Variants in HYDIN observed in about 807,000 individuals in gnomAD.
The protein encoded by HYDIN is axonemal central pair apparatus protein HYDIN.
A neutral mutation model predicts 403.9 loss-of-function variants in HYDIN; 132 were observed. The ratio of observed to expected loss-of-function variants is 0.33; its 90% CI spans 0.28 to 0.38. HYDIN has a LOEUF of 0.38. Ranked by LOEUF, HYDIN falls within the 10% of genes least tolerant of loss-of-function variation. The pLI is 1.00. For synonymous variants in HYDIN, 1,202 were observed against 1,891.7 expected, an observed-to-expected ratio of 0.64 and a Z score of 9.46; for missense variants, 2,827 against 5,009.5, an observed-to-expected ratio of 0.56 and a Z score of 13.15.
At chr16:70,816,252 A>G (rs1437864263) in intron 84 of HYDIN, among the ~76,000 whole-genome samples, 1 of 152,340 alleles carries the variant, frequency 6.6e-6, no homozygotes, top group East Asian at 1.9e-4. Flanking sequence ...GAAATAATAT[A>G]GAATATGTTC....
intron 1 of HYDIN, among the ~76,000 whole-genome samples, chr16:71,205,621 C>T (rs1422966551): frequency 6.6e-6 from 1 of 152,250 alleles, no homozygotes; most frequent in African/African-American, 2.4e-5. Flanking sequence ...TCTGCCACTG[C>T]TTGCCAGCCA....
chr16:71,035,526 T>A (rs2081056339), intron 18 of HYDIN, among the ~76,000 whole-genome samples: 1 of 137,068 alleles, frequency 7.3e-6, no homozygotes, highest in Admixed American at 7.3e-5. Context: ...TCAGTTGGCA[T>A]ACACAATCAA....
chr16:71,066,952 A>G, intron 15 of HYDIN: 1 of 671,082 alleles, frequency 1.5e-6, no homozygotes, highest in Non-Finnish European at 2.7e-6. Flanking sequence ...AAAGATGAAA[A>G]TAAAAATGAG....
chr16:70,943,019 G>A (rs1205613098), intron 42 of HYDIN, among the ~76,000 whole-genome samples: 2 of 152,052 alleles, frequency 1.3e-5, no homozygotes, highest in East Asian at 3.8e-4. Context: ...CTCCTCTTCT[G>A]GGAACGTCAA....
chr16:70,859,276 G>A (rs1173251910), intron 71 of HYDIN, among the ~76,000 whole-genome samples: 12 of 151,936 alleles, frequency 7.9e-5, no homozygotes, highest in Admixed American at 7.9e-4. Context: ...ACTCCAGCCT[G>A]GGGGACAGAG....
intron 43 of HYDIN, 120 bp from the exon 44 acceptor site, chr16:70,938,875 T>A: frequency 1.3e-6 from 1 of 763,946 alleles, no homozygotes; most frequent in Non-Finnish European, 2.1e-6. Flanking sequence ...GTCTGCCTCA[T>A]CCCTGATTGC....
intron 52 of HYDIN, among the ~76,000 whole-genome samples, chr16:70,902,863 TG>T (rs1276788056): frequency 7.0e-6 from 1 of 141,900 alleles, no homozygotes; most frequent in Non-Finnish European, 1.5e-5. Context: ...CTTTTCCTTC[TG>T]GGATTCCAAT....
intron 47 of HYDIN, among the ~76,000 whole-genome samples, chr16:70,911,902 A>T (rs1455962713): frequency 6.7e-6 from 1 of 149,096 alleles, no homozygotes; most frequent in Admixed American, 6.6e-5. Flanking sequence ...TATTGATTTG[A>T]TTCTCTGCTT....
chr16:70,945,844 G>A lies in HYDIN; in HGVS notation c.6532-1895C>T, dbSNP rs550794420. On this transcript the variant is annotated intron_variant, in intron 41 of 85. Coordinates refer to ENST00000393567, the MANE Select transcript of HYDIN (RefSeq NM_001270974.2). ...AGGACCTTGAGAAGAAAGAGCAGCCGTGGAATGGTGGGGACAAAGGCCCCA... is the reference window on the plus strand; with the variant it reads ...AGGACCTTGAGAAGAAAGAGCAGCCATGGAATGGTGGGGACAAAGGCCCCA... 1.8e-4 allele frequency among the ~76,000 whole-genome samples: 27 copies of A among 152,260 alleles called. No individual in the cohort carries two copies. In the East Asian group the frequency reaches 4.1e-3, roughly 23 times the overall value.
At chr16:71,080,423 C>T (rs1037864991) in intron 12 of HYDIN, 3 of 152,392 alleles carry the variant, frequency 2.0e-5, no homozygotes, top group Non-Finnish European at 4.4e-5. Flanking sequence ...ACATTCCTAC[C>T]ACTATGACAT....
At chr16:71,104,221 C>T (rs964278300) in intron 10 of HYDIN, among the ~76,000 whole-genome samples, 1 of 151,734 alleles carries the variant, frequency 6.6e-6, no homozygotes, top group African/African-American at 2.4e-5. Flanking sequence ...AATGAGTAGC[C>T]AGGGGGATTC....
intron 20 of HYDIN, among the ~76,000 whole-genome samples, chr16:71,026,543 T>C (rs912629056): frequency 6.6e-6 from 1 of 152,006 alleles, no homozygotes; most frequent in Non-Finnish European, 1.5e-5. Context: ...TGTCTTGAGA[T>C]AAGGGCCTGT....
chr16:70,946,852 T>C (rs1190852490), intron 41 of HYDIN, among the ~76,000 whole-genome samples: 6 of 152,160 alleles, frequency 3.9e-5, no homozygotes, highest in Non-Finnish European at 8.8e-5. Flanking sequence ...TAAATATCAT[T>C]CAAAAGATCA....
chr16:70,807,023 G>A lies in HYDIN; in HGVS notation c.*557C>T, dbSNP rs1043396665. Among the ~76,000 whole-genome samples, 6 of 152,194 alleles carry A rather than the reference G, an allele frequency of 3.9e-5. No homozygotes were observed. Among genetic ancestry groups the A allele is most frequent in the East Asian group, 3.9e-4 (2 of 5,178 alleles). On this transcript the variant is annotated 3_prime_UTR_variant, in exon 86 of 86. Coordinates refer to ENST00000393567, the MANE Select transcript of HYDIN (RefSeq NM_001270974.2). ...TCTGTGTAGGGCAGATGTGGGATTC[G>A]GACACTGATGGTATAAAAGCCAAGA...
At chr16:71,222,113 C>T (rs1333932349) in intron 1 of HYDIN, among the ~76,000 whole-genome samples, 2 of 152,290 alleles carry the variant, frequency 1.3e-5, no homozygotes, top group East Asian at 3.9e-4. Context: ...AGGCTGCCCA[C>T]AGCACACCAA....
intron 5 of HYDIN, among the ~76,000 whole-genome samples, chr16:71,173,355 A>G (rs1325621193): frequency 6.6e-6 from 1 of 152,252 alleles, no homozygotes; most frequent in African/African-American, 2.4e-5. Context: ...TGGAACGGTA[A>G]GAAGGAATAA....
intron 85 of HYDIN, among the ~76,000 whole-genome samples, chr16:70,809,101 A>C (rs1375661076): frequency 6.6e-6 from 1 of 152,198 alleles, no homozygotes; most frequent in African/African-American, 2.4e-5. Flanking sequence ...TTTTAAATAG[A>C]GATGAGGTCT....
intron 10 of HYDIN, among the ~76,000 whole-genome samples, chr16:71,094,548 C>T (rs1162031021): frequency 6.6e-6 from 1 of 152,086 alleles, no homozygotes; most frequent in African/African-American, 2.4e-5. Flanking sequence ...GTCACCCCCA[C>T]TTAGGCAGTT....
chr16:71,230,289 G>C (rs1022743255), intron 1 of HYDIN, among the ~76,000 whole-genome samples: 4 of 152,178 alleles, frequency 2.6e-5, no homozygotes, highest in Non-Finnish European at 5.9e-5. Flanking sequence ...CAAGGCCTGG[G>C]GCTAATTCCA....
Sources: gnomAD v4.1 joint callset for allele counts (sites outside exome capture counted in the v4.1 genomes callset) on GRCh38, gnomAD v4.1.1 for gene constraint, MANE v1.5 for transcripts, NCBI Gene and HGNC (gene_info 2026-07-23, HGNC 2026-07-21) for gene names.